Variants in CFAP410 observed in about 807,000 individuals in gnomAD.
CFAP410 encodes the protein cilia and flagella associated protein 410.
In CFAP410, 27 loss-of-function variants were observed where a neutral mutation model predicts 25.7. That is an observed-to-expected ratio of 1.05 (90% CI 0.77 to 1.45). The LOEUF is 1.45. Among genes scored for constraint, CFAP410 ranks in the 40% most tolerant of loss-of-function variants. The pLI is 0.00. For missense variants in CFAP410, 428 were observed against 354.1 expected, an observed-to-expected ratio of 1.21 and a Z score of -1.67; for synonymous variants, 178 against 158.4, an observed-to-expected ratio of 1.12 and a Z score of -0.93.
chr21:44,336,280 C>T (rs527883972), intron 2 of CFAP410, among the ~76,000 whole-genome samples: 3 of 152,294 alleles, frequency 2.0e-5, no homozygotes, highest in South Asian at 2.1e-4. Flanking sequence ...TTAAATTTTA[C>T]GACAGCATCG....
intron 3 of CFAP410, chr21:44,334,521 C>G (rs2047715443): frequency 5.7e-6 from 1 of 174,472 alleles, no homozygotes; most frequent in Non-Finnish European, 1.1e-5. Flanking sequence ...ACGCGCACCC[C>G]CCCCCCCCCC....
chr21:44,338,643 G>A (rs905651238), intron 1 of CFAP410: 28 of 171,092 alleles, frequency 1.6e-4, no homozygotes, highest in African/African-American at 2.5e-5. Context: ...GGCACCCGGG[G>A]CAAAGGCGGG....
rs2047609552 is a variant in CFAP410 at position 44,329,895 on chromosome 21, T to C, written c.*303A>G. 1 of 349,564 alleles carries C rather than the reference T, an allele frequency of 2.9e-6. No individual in the cohort carries two copies. The highest frequency in any genetic ancestry group is 5.1e-5 in the South Asian group (1 of 19,486). The allele number at this position is 349,564 out of a possible 1,614,324, so 21.7% of individuals were successfully genotyped here. A position where few individuals can be genotyped will look rare whatever the true frequency, so the allele number is the denominator to read the frequency against. Reference sequence around the variant, plus strand: ...GGGAAACGTCACCTCCAGATCAACCTTGGGAAAATCTTTTATTAGGGAGGA... The same window carrying C: ...GGGAAACGTCACCTCCAGATCAACCCTGGGAAAATCTTTTATTAGGGAGGA... On this transcript the variant is annotated 3_prime_UTR_variant, in exon 7 of 7. Coordinates refer to ENST00000339818, the MANE Select transcript of CFAP410 (RefSeq NM_004928.3).
chr21:44,331,897 A>G lies in CFAP410; in HGVS notation c.491T>C (p.Leu164Pro). ...CCGGCCAGTCTCAGCAGCGGAGCTG[A>G]GGGAGCTCAGTGTGCAGCATAGCTT... Reference protein sequence around the residue: ...GPKLCCTLSSLSSAAETGRDP... With the variant: ...GPKLCCTLSSPSSAAETGRDP... The change falls in exon 5 of 7, where the codon CTC (leucine) becomes CCC (proline). Residue 164 changes from leucine to proline, a missense_variant. Physicochemically the swap from Leu to Pro is moderately conservative, Grantham distance 98. Transcript: ENST00000339818. 1 of 1,613,032 alleles carries G rather than the reference A, an allele frequency of 6.2e-7. No individual in the cohort carries two copies. The highest frequency in any genetic ancestry group is 8.5e-7 in the Non-Finnish European group (1 of 1,179,832).
intron 4 of CFAP410, 68 bp from the exon 5 acceptor site, chr21:44,332,082 T>TC (rs2047661195): frequency 1.5e-6 from 2 of 1,346,654 alleles, no homozygotes; most frequent in Non-Finnish European, 2.0e-6. Context: ...GCACTGCAGC[T>TC]CCCGTCCTCA....
rs764928075 is a variant in CFAP410, at chr21:44,338,309, C to T, written c.78-642G>A. Reference sequence around the variant, plus strand: ...CCCCACACCCGCCTGCACGGTGAGGCCAGTTGACACGGCGCGGTCACTCTG... The same window carrying T: ...CCCCACACCCGCCTGCACGGTGAGGTCAGTTGACACGGCGCGGTCACTCTG... On this transcript the variant is annotated intron_variant, in intron 1 of 6. Coordinates refer to ENST00000339818, the MANE Select transcript of CFAP410 (RefSeq NM_004928.3). 665 of 1,289,232 alleles carry T rather than the reference C, an allele frequency of 5.2e-4. 1 individual carries two copies. Among genetic ancestry groups the T allele is most frequent in the Non-Finnish European group, 6.6e-4 (649 of 988,594 alleles). The allele number at this position is 1,289,232 out of a possible 1,614,324, so 79.9% of individuals were successfully genotyped here.
chr21:44,338,406 C>G (rs1602091575), intron 1 of CFAP410: 1 of 926,304 alleles, frequency 1.1e-6, no homozygotes, highest in Admixed American at 2.3e-5. Flanking sequence ...AGCTCCTGGT[C>G]TTCCTTGGCT....
intron 5 of CFAP410, chr21:44,331,446 GC>G: frequency 3.8e-6 from 1 of 259,984 alleles, no homozygotes; most frequent in East Asian, 1.0e-4. Flanking sequence ...CCCCTCCACG[GC>G]CCCCAGGCCC....
chr21:44,338,324 C>T (rs1216053198), intron 1 of CFAP410: 3 of 1,289,218 alleles, frequency 2.3e-6, no homozygotes, highest in East Asian at 5.6e-5. Flanking sequence ...TGACACGGCG[C>T]GGTCACTCTG....
chr21:44,331,295 G>A (rs1188264124), intron 5 of CFAP410: 6 of 312,392 alleles, frequency 1.9e-5, no homozygotes, highest in East Asian at 6.4e-5. Context: ...ATCACATCCC[G>A]ATGCCCCCAC....
chr21:44,334,342 A>G (rs925932818), intron 3 of CFAP410: 1 of 447,776 alleles, frequency 2.2e-6, no homozygotes, highest in African/African-American at 2.0e-5. Flanking sequence ...GGCTGGATCC[A>G]CAGCCCCGCC....
chr21:44,335,411 G>T (rs961285288), intron 3 of CFAP410: 2 of 326,832 alleles, frequency 6.1e-6, no homozygotes, highest in African/African-American at 2.1e-5. Flanking sequence ...CGGCCAGGGC[G>T]GGCCACCGTG....
At position 44,339,258 on chromosome 21, in the gene CFAP410, G is replaced by A. The variant is rs1013923086; in HGVS notation, c.-64C>T. 1 of 1,090,494 alleles carries A rather than the reference G, an allele frequency of 9.2e-7. No homozygotes were observed. Among genetic ancestry groups the A allele is most frequent in the Non-Finnish European group, 1.2e-6 (1 of 808,372 alleles). 67.6% of individuals were successfully genotyped at this position (1,090,494 alleles called of 1,614,324 possible). On this transcript the variant is annotated 5_prime_UTR_variant, in exon 1 of 7. Transcript: ENST00000339818. ...TCCTGATCCCGGGCGGGTGACGACT[G>A]CGCGGCGCGTGTCTCCAGGGGCGGG...
Position 44,339,227 on chromosome 21 carries a change from C to T in CFAP410, c.-33G>A. 1 of 1,380,438 alleles carries T rather than the reference C, an allele frequency of 7.2e-7. No individual in the cohort carries two copies. Among genetic ancestry groups the T allele is most frequent in the Non-Finnish European group, 9.5e-7 (1 of 1,051,898 alleles). 85.5% of individuals were successfully genotyped at this position (1,380,438 alleles called of 1,614,324 possible). A position where few individuals can be genotyped will look rare whatever the true frequency, so the allele number is the denominator to read the frequency against. ...GCCCAGGCCCGACCGGCGGGCGCCC[C>T]CGGCCTCCTGATCCCGGGCGGGTGA... On this transcript the variant is annotated 5_prime_UTR_variant, in exon 1 of 7. Coordinates refer to ENST00000339818, the MANE Select transcript of CFAP410 (RefSeq NM_004928.3).
chr21:44,332,707 C>T lies in CFAP410; in HGVS notation c.373+326G>A, dbSNP rs903024399. The T allele has an allele frequency of 1.6e-4, 59 of 362,562 alleles. No homozygotes were observed. In the East Asian group the frequency reaches 2.3e-3, roughly 14 times the overall value. The allele number at this position is 362,562 out of a possible 1,614,324, so 22.5% of individuals were successfully genotyped here. The stretch of plus-strand genomic sequence containing the variant: ...ATACTGACGCCCCCGCTCGCCATGG[C>T]GCATGGCGATGGTCAGAGCAGGGCT... On this transcript the variant is annotated intron_variant, in intron 4 of 6. Transcript: ENST00000339818.
In CFAP410 at chr21:44,339,362, C is replaced by G. The variant is rs1422687159; in HGVS notation, c.-168G>C. On this transcript the variant is annotated 5_prime_UTR_variant, in exon 1 of 7. Coordinates refer to ENST00000339818, the MANE Select transcript of CFAP410 (RefSeq NM_004928.3). ...CGGGGCGACGCGAGCCCGCTGGGGC[C>G]GCTTGGGCGCCGCTGACACGTTGGC... 2.4e-6 allele frequency: 1 copy of G among 424,550 alleles called. No individual in the cohort carries two copies. 26.3% of individuals were successfully genotyped at this position (424,550 alleles called of 1,614,324 possible).
Position 44,339,261 on chromosome 21 carries a change from C to A in CFAP410, c.-67G>T, listed in dbSNP as rs2047824228. 9.7e-7 allele frequency: 1 copy of A among 1,036,150 alleles called. No homozygotes were observed. Among genetic ancestry groups the A allele is most frequent in the Non-Finnish European group, 1.3e-6 (1 of 760,298 alleles). 64.2% of individuals were successfully genotyped at this position (1,036,150 alleles called of 1,614,324 possible). ...TGATCCCGGGCGGGTGACGACTGCGCGGCGCGTGTCTCCAGGGGCGGGGCC... is the reference window on the plus strand; with the variant it reads ...TGATCCCGGGCGGGTGACGACTGCGAGGCGCGTGTCTCCAGGGGCGGGGCC... On this transcript the variant is annotated 5_prime_UTR_variant, in exon 1 of 7. Coordinates refer to ENST00000339818, the MANE Select transcript of CFAP410 (RefSeq NM_004928.3).
At position 44,339,207 on chromosome 21, in the gene CFAP410, G is replaced by C; in HGVS notation, c.-13C>G. 7.0e-7 allele frequency: 1 copy of C among 1,434,846 alleles called. No homozygotes were observed. Among genetic ancestry groups the C allele is most frequent in the Non-Finnish European group, 9.2e-7 (1 of 1,090,176 alleles). The allele number at this position is 1,434,846 out of a possible 1,614,324, so 88.9% of individuals were successfully genotyped here. ...GCGTCAGCTTCATGGCGGCCGCCCA[G>C]GCCCGACCGGCGGGCGCCCCCGGCC... On this transcript the variant is annotated 5_prime_UTR_variant, in exon 1 of 7. Coordinates refer to ENST00000339818, the MANE Select transcript of CFAP410 (RefSeq NM_004928.3).
Position 44,330,267 on chromosome 21 carries a change from G to T in CFAP410, c.702C>A (p.Ala234=). ...LRELDAEGLE[A]VQQTVGSRLQ... ...GCCGGCTGCCCACAGTCTGCTGCAC[G>T]GCCTCCAGCCCCTCTGCATCCAGCT... The change falls in exon 7 of 7, where the codon GCC becomes GCA. Residue 234 remains alanine (A), a synonymous_variant. Coordinates refer to ENST00000339818, the MANE Select transcript of CFAP410 (RefSeq NM_004928.3). 1 of 1,605,050 alleles carries T rather than the reference G, an allele frequency of 6.2e-7. No homozygotes were observed. Among genetic ancestry groups the T allele is most frequent in the Admixed American group, 1.7e-5 (1 of 59,286 alleles).
Sources: gnomAD v4.1 joint callset for allele counts (sites outside exome capture counted in the v4.1 genomes callset) on GRCh38, gnomAD v4.1.1 for gene constraint, MANE v1.5 for transcripts, NCBI Gene and HGNC (gene_info 2026-07-23, HGNC 2026-07-21) for gene names.